DENND5B: variants seen among roughly 807,000 people sequenced by gnomAD.
The protein encoded by DENND5B is DENN domain-containing protein 5B.
In DENND5B, 34 loss-of-function variants were observed where a neutral mutation model predicts 140.6. The ratio of observed to expected loss-of-function variants is 0.24; its 90% CI spans 0.18 to 0.32. The LOEUF (loss-of-function observed/expected upper bound fraction) is 0.32. DENND5B is among the 10% of genes least tolerant of loss of function. The pLI, the probability that DENND5B is intolerant of heterozygous loss-of-function variation, is 1.00. For synonymous variants in DENND5B, 551 were observed against 562.1 expected, an observed-to-expected ratio of 0.98 and a Z score of 0.28; for missense variants, 1,142 against 1,560.2, an observed-to-expected ratio of 0.73 and a Z score of 4.52.
chr12:31,483,182 T>C (rs1051559124), intron 2 of DENND5B, among the ~76,000 whole-genome samples: 9 of 152,200 alleles, frequency 5.9e-5, no homozygotes, highest in African/African-American at 2.2e-4. Flanking sequence ...ACCTTGACAC[T>C]TCCCCATTAA....
At chr12:31,433,831 C>T (rs1334751312) in intron 7 of DENND5B, among the ~76,000 whole-genome samples, 1 of 70,116 alleles carries the variant, frequency 1.4e-5, no homozygotes, top group Non-Finnish European at 3.2e-5. Flanking sequence ...CCAGCCTAGG[C>T]AACATAGTGA....
chr12:31,492,538 T>C (rs907888552), intron 2 of DENND5B, among the ~76,000 whole-genome samples: 2 of 152,206 alleles, frequency 1.3e-5, no homozygotes, highest in African/African-American at 4.8e-5. Context: ...CTCCCTATGT[T>C]GCTTAGGCTA....
At chr12:31,456,355 T>C (rs1313201030) in intron 4 of DENND5B, among the ~76,000 whole-genome samples, 11 of 148,710 alleles carry the variant, frequency 7.4e-5, no homozygotes, top group Non-Finnish European at 1.3e-4. Context: ...AAAAATTCCC[T>C]CAAAAGTAAG....
intron 13 of DENND5B, among the ~76,000 whole-genome samples, chr12:31,409,610 C>T (rs1942334044): frequency 6.6e-6 from 1 of 151,418 alleles, no homozygotes; most frequent in Non-Finnish European, 1.5e-5. Flanking sequence ...TCATGAGTAG[C>T]TGGGATTACA....
At chr12:31,546,682 T>C (rs1948874203) in intron 1 of DENND5B, among the ~76,000 whole-genome samples, 1 of 152,142 alleles carries the variant, frequency 6.6e-6, no homozygotes, top group South Asian at 2.1e-4. Flanking sequence ...CGAGACTCCA[T>C]CTCAAAAAAT....
chr12:31,387,465 C>A lies in DENND5B; in HGVS notation c.*138G>T. The A allele has an allele frequency of 1.2e-6, 1 of 824,878 alleles. No individual in the cohort carries two copies. Among genetic ancestry groups the A allele is most frequent in the South Asian group, 2.0e-5 (1 of 50,416 alleles). The allele number at this position is 824,878 out of a possible 1,614,324, so 51.1% of individuals were successfully genotyped here. On this transcript the variant is annotated 3_prime_UTR_variant, in exon 21 of 21. Transcript: ENST00000389082. ...ACTACAATACAACATTTTGCCTTGTCTGTAGAGTGAGGATTGTTCCAAATG... is the reference window on the plus strand; with the variant it reads ...ACTACAATACAACATTTTGCCTTGTATGTAGAGTGAGGATTGTTCCAAATG...
chr12:31,503,396 C>CA (rs1315301241), intron 1 of DENND5B, among the ~76,000 whole-genome samples: 27 of 152,064 alleles, frequency 1.8e-4, no homozygotes, highest in African/African-American at 5.3e-4. Flanking sequence ...CCTGTCTCTA[C>CA]AAAAAATATA....
chr12:31,556,436 A>G (rs1485739439), intron 1 of DENND5B, among the ~76,000 whole-genome samples: 2 of 152,056 alleles, frequency 1.3e-5, no homozygotes, highest in East Asian at 1.9e-4. Flanking sequence ...TCCCGACCTC[A>G]GCTGATTCAC....
At chr12:31,485,751 C>T (rs1946280828) in intron 2 of DENND5B, among the ~76,000 whole-genome samples, 1 of 151,916 alleles carries the variant, frequency 6.6e-6, no homozygotes, top group Non-Finnish European at 1.5e-5. Context: ...CTCTCTCTCT[C>T]TCTCTCTCTC....
rs755608340 is a variant in DENND5B at position 31,390,500 on chromosome 12, G to A, written c.3467-1002C>T. Among the ~76,000 whole-genome samples the A allele has an allele frequency of 1.4e-4, 21 of 152,026 alleles. No homozygotes were observed. The South Asian group carries it at 1.5e-3, about 11-fold the overall frequency. On this transcript the variant is annotated intron_variant, in intron 19 of 20. Transcript: ENST00000389082. ...CTAAAAATACAAAAATTAGCTGGGC[G>A]TGGTGGCAGGCACCTGTAATCCCAG...
intron 11 of DENND5B, among the ~76,000 whole-genome samples, chr12:31,417,482 A>C (rs925656749): frequency 1.3e-5 from 2 of 152,090 alleles, no homozygotes; most frequent in East Asian, 3.8e-4. Context: ...CTAAATAGAC[A>C]CTAAGTATAA....
intron 7 of DENND5B, among the ~76,000 whole-genome samples, chr12:31,440,828 C>T (rs1187357649): frequency 1.3e-5 from 2 of 152,116 alleles, no homozygotes; most frequent in South Asian, 2.1e-4. Flanking sequence ...GACTGCCTCC[C>T]AGGCTCCAGT....
At chr12:31,411,749 G>A (rs891206061) in intron 13 of DENND5B, among the ~76,000 whole-genome samples, 1 of 152,114 alleles carries the variant, frequency 6.6e-6, no homozygotes, top group African/African-American at 2.4e-5. Context: ...CTACTGTTTG[G>A]ACATTAAAAC....
At chr12:31,504,610 C>T (rs575630231) in intron 1 of DENND5B, among the ~76,000 whole-genome samples, 109 of 152,284 alleles carry the variant, frequency 7.2e-4, no homozygotes, top group African/African-American at 2.5e-3. Context: ...CCTCCCTAAA[C>T]CTTCCCACTA....
chr12:31,462,665 C>T (rs1205590917), intron 3 of DENND5B, among the ~76,000 whole-genome samples: 1 of 151,804 alleles, frequency 6.6e-6, no homozygotes, highest in African/African-American at 2.4e-5. Context: ...TAACAAAATA[C>T]AAAAAAAGGC....
At position 31,398,333 on chromosome 12, in the gene DENND5B, C is replaced by T. The variant is rs888726639; in HGVS notation, c.3098G>A (p.Gly1033Asp). 2 of 1,550,832 alleles carry T rather than the reference C, an allele frequency of 1.3e-6. No individual in the cohort carries two copies. The highest frequency in any genetic ancestry group is 8.7e-7 in the Non-Finnish European group (1 of 1,147,048). Residue 1033 changes from glycine (G) to aspartate (D), a missense_variant, in exon 17 of 21, where the codon GGC becomes GAC. Gly to Asp is a moderately conservative substitution (Grantham distance 94). This residue lies in a region of DENND5B where 268 missense variants were observed against 349.2 expected (regional missense o/e 0.77). Coordinates refer to ENST00000389082, the MANE Select transcript of DENND5B (RefSeq NM_144973.4). ...TCTCTCCAGGCTCCCATCATCAATG[C>T]CTTTCCCCAGCCACCGCCCACATGG... is the stretch of plus-strand genomic sequence containing the variant. ...RFPCGRWLGK[G>D]IDDGSLERIL...
chr12:31,419,313 G>T (rs529131455), intron 11 of DENND5B, among the ~76,000 whole-genome samples: 1 of 152,300 alleles, frequency 6.6e-6, no homozygotes, highest in South Asian at 2.1e-4. Flanking sequence ...GCCAGATGTG[G>T]TGGCGCATGC....
chr12:31,399,766 T>C lies in DENND5B; in HGVS notation c.2956A>G (p.Asn986Asp). The C allele has an allele frequency of 6.2e-7, 1 of 1,613,526 alleles. No homozygotes were observed. The change falls in exon 16 of 21, where the codon AAC becomes GAC. Residue 986 changes from asparagine to aspartate, a missense_variant. Coordinates refer to ENST00000389082, the MANE Select transcript of DENND5B (RefSeq NM_144973.4). ...TGAACAGTGGTCAGCTTCCCCAAGT[T>C]CTGGCACTGTAGGGACAGGACCTTA... ...NLLEMTFECQ[N>D]LGKLTTVQIG...
chr12:31,396,588 T>C (rs1941484893), intron 17 of DENND5B: 3 of 152,434 alleles, frequency 2.0e-5, no homozygotes. Flanking sequence ...GAAAATGCAA[T>C]GTTTTAAATA....
Sources: gnomAD v4.1 joint callset for allele counts (sites outside exome capture counted in the v4.1 genomes callset) on GRCh38, gnomAD v4.1.1 for gene constraint, gnomAD v4.1.1 regional missense constraint, MANE v1.5 for transcripts, NCBI Gene and HGNC (gene_info 2026-07-23, HGNC 2026-07-21) for gene names.